SEC31A: variants seen among roughly 807,000 people sequenced by gnomAD.
SEC31A encodes protein transport protein Sec31A.
In SEC31A, 70 loss-of-function variants were observed where a neutral mutation model predicts 151.0. The ratio of observed to expected loss-of-function variants is 0.46; its 90% CI spans 0.38 to 0.57. The LOEUF is 0.57. Ranked by LOEUF, SEC31A falls within the 20% of genes least tolerant of loss-of-function variation. SEC31A has a pLI of 0.00. For synonymous variants in SEC31A, 475 were observed against 505.9 expected (o/e 0.94, Z 0.82); for missense variants, 1,330 against 1,471.2 (o/e 0.90, Z 1.57).
At chr4:82,869,465 A>G (rs1036774359) in intron 8 of SEC31A, among the ~76,000 whole-genome samples, 5 of 152,056 alleles carry the variant, frequency 3.3e-5, no homozygotes, top group Admixed American at 6.6e-5. Flanking sequence ...GCATGTACTA[A>G]AAGTCTCTTC....
At chr4:82,881,332 G>A (rs1348478133) in intron 2 of SEC31A, among the ~76,000 whole-genome samples, 1 of 152,094 alleles carries the variant, frequency 6.6e-6, no homozygotes, top group Non-Finnish European at 1.5e-5. Flanking sequence ...AGGCATGGTG[G>A]TGGACGCCTG....
At chr4:82,824,786 C>A in intron 24 of SEC31A, 112 bp from the exon 25 acceptor site, 1 of 1,152,726 alleles carries the variant, frequency 8.7e-7, no homozygotes, top group South Asian at 2.1e-5. Flanking sequence ...TAGACCTATT[C>A]AAAATCAAAT....
intron 22 of SEC31A, among the ~76,000 whole-genome samples, chr4:82,834,092 A>G (rs555394352): frequency 3.9e-5 from 6 of 152,344 alleles, no homozygotes; most frequent in Non-Finnish European, 7.3e-5. Context: ...TGATGACTTT[A>G]CAACCTAGCT....
At chr4:82,846,367 A>ATAATAT (rs1456549939) in intron 20 of SEC31A, among the ~76,000 whole-genome samples, 2 of 350 alleles carry the variant, frequency 5.7e-3, no homozygotes, top group African/African-American at 9.5e-3. Context: ...ACTCCAAAAC[A>ATAATAT]TAATAATAAT....
chr4:82,852,660 A>G (rs1380045934), intron 18 of SEC31A, among the ~76,000 whole-genome samples: 1 of 152,220 alleles, frequency 6.6e-6, no homozygotes, highest in Non-Finnish European at 1.5e-5. Flanking sequence ...AAAGAGAAAT[A>G]TTATATGGTA....
intron 17 of SEC31A, among the ~76,000 whole-genome samples, chr4:82,854,440 T>C (rs1325536544): frequency 6.6e-6 from 1 of 152,214 alleles, no homozygotes; most frequent in African/African-American, 2.4e-5. Flanking sequence ...CAAATGGCTA[T>C]TTGTTTTTAT....
chr4:82,887,586 T>C (rs1239813254), intron 1 of SEC31A, among the ~76,000 whole-genome samples: 3 of 152,238 alleles, frequency 2.0e-5, no homozygotes, highest in Admixed American at 1.3e-4. Context: ...ATGTATGTCC[T>C]GGCTCCTCTC....
At chr4:82,865,119 G>T (rs1735020694) in intron 10 of SEC31A, among the ~76,000 whole-genome samples, 1 of 152,160 alleles carries the variant, frequency 6.6e-6, no homozygotes, top group South Asian at 2.1e-4. Flanking sequence ...ATTTTAGGAA[G>T]ATTAATCTTG....
chr4:82,849,506 C>T (rs1351244608), intron 19 of SEC31A, among the ~76,000 whole-genome samples: 1 of 147,778 alleles, frequency 6.8e-6, no homozygotes, highest in Non-Finnish European at 1.5e-5. Flanking sequence ...CCCAGTTACT[C>T]GGGAGGCTGA....
At chr4:82,848,732 G>T in intron 20 of SEC31A, 72 bp downstream of exon 20, 2 of 1,370,316 alleles carry the variant, frequency 1.5e-6, no homozygotes, top group Non-Finnish European at 1.0e-6. Flanking sequence ...GTCTCCTGCT[G>T]AACAAATGAA....
chr4:82,878,922 G>A lies in SEC31A; in HGVS notation c.210C>T (p.His70=), dbSNP rs772242517. 1 of 1,611,364 alleles carries A rather than the reference G, an allele frequency of 6.2e-7. No homozygotes were observed. Among genetic ancestry groups the A allele is most frequent in the South Asian group, 1.1e-5 (1 of 91,004 alleles). The stretch of plus-strand genomic sequence containing the variant: ...TTTTATAAGGCCCCCAAATCAACTT[G>A]TGGTACCTACAGGAGAAAATGAATA... The part of the protein sequence containing the change: ...CATFSSSHRY[H]KLIWGPYKMD... Residue 70 remains histidine, a synonymous_variant, in exon 4 of 27, where the codon CAC becomes CAT. Transcript: ENST00000395310.
chr4:82,838,477 T>A (rs1282896002), intron 22 of SEC31A, among the ~76,000 whole-genome samples: 1 of 152,190 alleles, frequency 6.6e-6, no homozygotes, highest in Non-Finnish European at 1.5e-5. Context: ...GGAAAGAGCC[T>A]GTTTTCTTAC....
intron 14 of SEC31A, among the ~76,000 whole-genome samples, chr4:82,858,733 C>T (rs1733345148): frequency 2.0e-5 from 3 of 150,866 alleles, no homozygotes; most frequent in Admixed American, 2.0e-4. Flanking sequence ...GACAGAGTCT[C>T]ACTCTGTCAC....
intron 26 of SEC31A, among the ~76,000 whole-genome samples, chr4:82,820,315 G>A (rs1723067790): frequency 6.6e-6 from 1 of 151,860 alleles, no homozygotes; most frequent in Non-Finnish European, 1.5e-5. Flanking sequence ...TACTTCCACT[G>A]TTATATCAAC....
intron 21 of SEC31A, 110 bp downstream of exon 21, chr4:82,844,276 A>G (rs1729572132): frequency 8.3e-6 from 10 of 1,204,210 alleles, no homozygotes; most frequent in Non-Finnish European, 1.2e-5. Flanking sequence ...AATCCTATGC[A>G]CAATGGTTCT....
intron 22 of SEC31A, among the ~76,000 whole-genome samples, chr4:82,833,783 G>A (rs1487088913): frequency 2.0e-5 from 3 of 152,012 alleles, no homozygotes; most frequent in African/African-American, 7.2e-5. Context: ...GGGAGGAAAG[G>A]AGAAATTAAA....
In SEC31A at chr4:82,842,253, G is replaced by C. The variant is rs776160673; in HGVS notation, c.2855C>G (p.Ser952Cys). The C allele has an allele frequency of 6.2e-7, 1 of 1,614,054 alleles. No individual in the cohort carries two copies. The highest frequency in any genetic ancestry group is 1.7e-5 in the Admixed American group (1 of 60,014). ...SFPPPPSSGA[S>C]FQHGGPGAPP... ...AGCTCCTGGTCCGCCATGCTGGAAGGATGCTCCAGAGGAAGGGGGAGGAGG... is the reference window on the plus strand; with the variant it reads ...AGCTCCTGGTCCGCCATGCTGGAAGCATGCTCCAGAGGAAGGGGGAGGAGG... The change falls in exon 22 of 27, where the codon TCC becomes TGC. Residue 952 changes from serine (S) to cysteine (C), a missense_variant. By Grantham distance (112) the Ser-to-Cys change is moderately radical. Coordinates refer to ENST00000395310, the MANE Select transcript of SEC31A (RefSeq NM_001077207.4).
At position 82,866,833 on chromosome 4, in the gene SEC31A, C is replaced by G. The variant is rs759078313; in HGVS notation, c.1172G>C (p.Arg391Pro). Residue 391 changes from arginine to proline, a missense_variant, in exon 10 of 27, where the codon CGA becomes CCA. Arg to Pro is a moderately radical substitution (Grantham distance 103, BLOSUM62 -2). Coordinates refer to ENST00000395310, the MANE Select transcript of SEC31A (RefSeq NM_001077207.4). ...TGAAAAAGAAGCACCAACAGGCCTT[C>G]GAATCCACTTGGGCGGCTTCTTCAG... is the stretch of plus-strand genomic sequence containing the variant. ...LPLKKPPKWI[R>P]RPVGASFSFG... is the part of the protein sequence containing the mutation. 1 of 1,605,228 alleles carries G rather than the reference C, an allele frequency of 6.2e-7. No individual in the cohort carries two copies. The highest frequency in any genetic ancestry group is 2.2e-5 in the East Asian group (1 of 44,814).
intron 5 of SEC31A, among the ~76,000 whole-genome samples, chr4:82,875,174 T>C (rs769898725): frequency 6.6e-6 from 1 of 152,378 alleles, no homozygotes; most frequent in African/African-American, 2.4e-5. Context: ...GCTGTCATTA[T>C]GCTACCTCTC....
Sources: gnomAD v4.1 joint callset for allele counts (sites outside exome capture counted in the v4.1 genomes callset) on GRCh38, gnomAD v4.1.1 for gene constraint, MANE v1.5 for transcripts, NCBI Gene and HGNC (gene_info 2026-07-23, HGNC 2026-07-21) for gene names.